TGM5: variants seen among roughly 807,000 people sequenced by gnomAD.
The protein encoded by TGM5 is protein-glutamine gamma-glutamyltransferase 5.
A neutral mutation model predicts 77.2 loss-of-function variants in TGM5; 69 were observed. That is an observed-to-expected ratio of 0.89 (90% CI 0.74 to 1.09). TGM5 has a LOEUF of 1.09. TGM5 is among the 50% of genes least tolerant of loss of function. TGM5 has a pLI of 0.00. For synonymous variants in TGM5, 346 were observed against 351.8 expected, an observed-to-expected ratio of 0.98 and a Z score of 0.18; for missense variants, 842 against 896.5, an observed-to-expected ratio of 0.94 and a Z score of 0.78.
intron 1 of TGM5, among the ~76,000 whole-genome samples, chr15:43,261,076 G>GTTTTT (rs1555384178): frequency 3.5e-5 from 2 of 56,878 alleles, no homozygotes; most frequent in African/African-American, 6.7e-5. Flanking sequence ...TTGTGTGTGT[G>GTTTTT]TTTTTTTTTT....
chr15:43,260,590 G>T lies in TGM5; in HGVS notation c.11-11C>A, dbSNP rs200870480. 3.4e-4 allele frequency: 544 copies of T among 1,614,104 alleles called. 2 individuals carry two copies. The Middle Eastern group carries it at 3.6e-3, about 11-fold the overall frequency. ...GGGCCACTTCTAGCCCTGCAATGGG[G>T]CAGCCAGGGTTAGACAAAATAGTGG... On this transcript the variant is annotated splice_polypyrimidine_tract_variant and intron_variant, in intron 1 of 12. Transcript: ENST00000220420.
intron 11 of TGM5, 82 bp downstream of exon 11, chr15:43,234,687 C>T (rs1388889868): frequency 1.9e-6 from 3 of 1,577,512 alleles, no homozygotes; most frequent in Non-Finnish European, 2.6e-6. Flanking sequence ...TAAGCAGGCC[C>T]AGGCTGCCCT....
intron 7 of TGM5, chr15:43,239,515 CAAA>C (rs113369172): frequency 2.9e-4 from 119 of 407,614 alleles, no homozygotes; most frequent in East Asian, 3.3e-4. Context: ...GATCTCGTCT[CAAA>C]AAAAAAAAAA....
At position 43,260,156 on chromosome 15, in the gene TGM5, G is replaced by A. The variant is rs759563503; in HGVS notation, c.332C>T (p.Ala111Val). Residue 111 changes from alanine to valine, a missense_variant, in exon 3 of 13, where the codon GCC becomes GTC. Physicochemically the swap from Ala to Val is moderately conservative, Grantham distance 64. Transcript: ENST00000220420. ...GATTTTCAAGAGGTACCGACCCACG[G>A]CCGCCGTGGGAGGAGCGCACAAGCT... is the stretch of plus-strand genomic sequence containing the variant. ...EVSLCAPPTA[A>V]VGRYLLKIHI... is the part of the protein sequence containing the mutation. The A allele has an allele frequency of 4.3e-6, 7 of 1,614,158 alleles. No homozygotes were observed. The Admixed American group carries it at 1.2e-4, about 27-fold the overall frequency.
intron 7 of TGM5, 33 bp from the exon 8 acceptor site, chr15:43,239,299 C>T: frequency 6.2e-7 from 1 of 1,604,630 alleles, no homozygotes; most frequent in Non-Finnish European, 8.5e-7. Flanking sequence ...AGACGTTGTA[C>T]TGCTTGGTCT....
At chr15:43,253,415 C>T (rs919299035) in intron 5 of TGM5, 91 bp downstream of exon 5, 2 of 1,565,552 alleles carry the variant, frequency 1.3e-6, no homozygotes, top group African/African-American at 1.3e-5. Flanking sequence ...GCCAGAGGGT[C>T]CCTCTTTCAC....
chr15:43,259,925 T>A, intron 3 of TGM5, 127 bp downstream of exon 3: 1 of 1,334,456 alleles, frequency 7.5e-7, no homozygotes, highest in Non-Finnish European at 1.1e-6. Context: ...TTGGGGCGGA[T>A]GCTGAGTGCA....
intron 6 of TGM5, among the ~76,000 whole-genome samples, chr15:43,246,651 G>A (rs181987636): frequency 2.9e-4 from 44 of 152,276 alleles, no homozygotes; most frequent in African/African-American, 1.0e-3. Flanking sequence ...ATTGAGGGAA[G>A]CTAAGATGGC....
At chr15:43,258,257 A>G (rs537586556) in intron 3 of TGM5, among the ~76,000 whole-genome samples, 14 of 152,288 alleles carry the variant, frequency 9.2e-5, no homozygotes, top group African/African-American at 3.1e-4. Flanking sequence ...TTACAAAAAA[A>G]AAAAAGAAAA....
Position 43,253,759 on chromosome 15 carries a change from G to A in TGM5, c.556-125C>T, listed in dbSNP as rs985454794. ...ACTTGGAAGGTAACTGTGTCAAACA[G>A]AACAGCCATGAATTCCCTCCCATTC... On this transcript the variant is annotated intron_variant, in intron 4 of 12. Transcript: ENST00000220420. 6.5e-5 allele frequency: 86 copies of A among 1,324,606 alleles called. No individual in the cohort carries two copies. The Admixed American group carries it at 1.4e-3, about 22-fold the overall frequency. The allele number at this position is 1,324,606 out of a possible 1,614,324, so 82.1% of individuals were successfully genotyped here.
chr15:43,246,267 C>T (rs539047581), intron 6 of TGM5, among the ~76,000 whole-genome samples: 1 of 152,112 alleles, frequency 6.6e-6, no homozygotes, highest in Non-Finnish European at 1.5e-5. Context: ...ACACAGAGGA[C>T]ATTGCAATCA....
intron 11 of TGM5, 67 bp downstream of exon 11, chr15:43,234,702 C>A: frequency 6.2e-7 from 1 of 1,606,618 alleles, no homozygotes. Flanking sequence ...TGCCCTCTCA[C>A]AGGGCTTCAC....
chr15:43,253,638 CG>C lies in TGM5; in HGVS notation c.556-5del, dbSNP rs984825492. 1 of 1,612,396 alleles carries C rather than the reference CG, an allele frequency of 6.2e-7. No homozygotes were observed. Among genetic ancestry groups the C allele is most frequent in the South Asian group, 1.1e-5 (1 of 91,074 alleles). On this transcript the variant is annotated splice_region_variant and splice_polypyrimidine_tract_variant and intron_variant, in intron 4 of 12. Coordinates refer to ENST00000220420, the MANE Select transcript of TGM5 (RefSeq NM_201631.4). ...TGTCTATGATTTTGTCTTCAAACTTCGGGGGGAGAGGCAGAGAGGGAAGGCA... is the reference window on the plus strand; with the variant it reads ...TGTCTATGATTTTGTCTTCAAACTTCGGGGGAGAGGCAGAGAGGGAAGGCA...
Position 43,234,802 on chromosome 15 carries a change from G to A in TGM5, c.1842C>T (p.Ile614=), listed in dbSNP as rs762644134. 6.2e-7 allele frequency: 1 copy of A among 1,614,238 alleles called. No individual in the cohort carries two copies. Among genetic ancestry groups the A allele is most frequent in the Non-Finnish European group, 8.5e-7 (1 of 1,180,044 alleles). Residue 614 remains isoleucine, a synonymous_variant, in exon 11 of 13, where the codon ATC becomes ATT. Coordinates refer to ENST00000220420, the MANE Select transcript of TGM5 (RefSeq NM_201631.4). ...TGATGCTTGGATAAGATAAGGTGAT[G>A]ATCTTGTTCACCAGGATTTTCTCAG... ...SSPEKILVNK[I]ITLSYPSITI...
intron 9 of TGM5, among the ~76,000 whole-genome samples, chr15:43,237,583 CTA>C (rs1253466580): frequency 1.3e-5 from 2 of 151,524 alleles, no homozygotes; most frequent in Admixed American, 6.6e-5. Flanking sequence ...AGGTCTCACT[CTA>C]TTGCCTAGGC....
At chr15:43,240,742 G>C (rs947452432) in intron 7 of TGM5, 110 bp downstream of exon 7, 76 of 1,417,366 alleles carry the variant, frequency 5.4e-5, no homozygotes, top group Non-Finnish European at 7.3e-5. Flanking sequence ...GGGTGTGGAG[G>C]AGGTGAAGGG....
At chr15:43,245,647 G>T (rs1198554743) in intron 6 of TGM5, among the ~76,000 whole-genome samples, 1 of 152,146 alleles carries the variant, frequency 6.6e-6, no homozygotes. Context: ...GGGCAATTAA[G>T]AACTGAACCC....
chr15:43,261,650 A>G (rs576768617), intron 1 of TGM5, among the ~76,000 whole-genome samples: 20 of 152,302 alleles, frequency 1.3e-4, no homozygotes, highest in African/African-American at 4.6e-4. Flanking sequence ...TTAAATCACA[A>G]TTGGCTCACC....
At chr15:43,258,984 C>G (rs1488466311) in intron 3 of TGM5, among the ~76,000 whole-genome samples, 2 of 152,078 alleles carry the variant, frequency 1.3e-5, no homozygotes, top group Non-Finnish European at 2.9e-5. Context: ...GACAGGGAAG[C>G]GGGTAGTGGT....
Sources: gnomAD v4.1 joint callset for allele counts (sites outside exome capture counted in the v4.1 genomes callset) on GRCh38, gnomAD v4.1.1 for gene constraint, MANE v1.5 for transcripts, NCBI Gene and HGNC (gene_info 2026-07-23, HGNC 2026-07-21) for gene names.